Variants in FNIP2 observed in about 807,000 individuals in gnomAD.
FNIP2 encodes the protein folliculin interacting protein 2.
Under a neutral mutation model 108.7 loss-of-function variants are expected in FNIP2, and 32 were observed. The observed-to-expected ratio is 0.29, with a 90% CI of 0.22 to 0.40. The LOEUF is 0.40. FNIP2 is among the 10% of genes least tolerant of loss of function. The probability of loss-of-function intolerance (pLI) is 1.00; values close to 1 mark genes in which losing one functional copy is unlikely to be tolerated. For synonymous variants in FNIP2, 480 were observed against 496.7 expected, an observed-to-expected ratio of 0.97 and a Z score of 0.45; for missense variants, 1,202 against 1,381.6, an observed-to-expected ratio of 0.87 and a Z score of 2.06.
chr4:158,905,994 G>A lies in FNIP2; in HGVS notation c.*1450G>A, dbSNP rs1231412795. ...CCTATTAGGGACTAGAATGACTTCA[G>A]TTTTTTCATTTGATAAAAATCAGAA... On this transcript the variant is annotated 3_prime_UTR_variant, in exon 17 of 17. Transcript: ENST00000264433. The A allele has an allele frequency of 6.6e-6, 1 of 152,128 alleles. No individual in the cohort carries two copies. The highest frequency in any genetic ancestry group is 1.9e-4 in the East Asian group (1 of 5,202). 9.4% of individuals were successfully genotyped at this position (152,128 alleles called of 1,614,324 possible).
intron 14 of FNIP2, among the ~76,000 whole-genome samples, chr4:158,886,370 T>C (rs1000618486): frequency 6.6e-6 from 1 of 152,228 alleles, no homozygotes; most frequent in Non-Finnish European, 1.5e-5. Context: ...TCACCTCCCA[T>C]GTTCTTCTAT....
chr4:158,800,530 T>G (rs1776726700), intron 1 of FNIP2, among the ~76,000 whole-genome samples: 1 of 152,178 alleles, frequency 6.6e-6, no homozygotes, highest in Non-Finnish European at 1.5e-5. Flanking sequence ...TTATTACAGA[T>G]TAAGGAAATC....
chr4:158,839,275 A>G (rs942112874), intron 7 of FNIP2, among the ~76,000 whole-genome samples: 18 of 152,080 alleles, frequency 1.2e-4, no homozygotes, highest in African/African-American at 4.1e-4. Context: ...TCTCCCATTT[A>G]TTTGTTTAGT....
At chr4:158,857,251 C>G (rs1780036927) in intron 8 of FNIP2, among the ~76,000 whole-genome samples, 1 of 152,154 alleles carries the variant, frequency 6.6e-6, no homozygotes, top group African/African-American at 2.4e-5. Flanking sequence ...AGATGACAGA[C>G]AAAGTGGAAA....
chr4:158,774,194 G>A (rs992363057), intron 1 of FNIP2, among the ~76,000 whole-genome samples: 5 of 152,128 alleles, frequency 3.3e-5, no homozygotes, highest in African/African-American at 4.8e-5. Context: ...AAATAGGAGC[G>A]ATTATGCATG....
intron 1 of FNIP2, among the ~76,000 whole-genome samples, chr4:158,785,439 C>T (rs1474674397): frequency 6.6e-6 from 1 of 152,084 alleles, no homozygotes; most frequent in East Asian, 1.9e-4. Flanking sequence ...AAGAACATCT[C>T]CATTATTTCA....
intron 3 of FNIP2, among the ~76,000 whole-genome samples, chr4:158,830,167 C>T (rs1215174258): frequency 6.6e-6 from 1 of 150,868 alleles, no homozygotes; most frequent in Non-Finnish European, 1.5e-5. Flanking sequence ...TGGTTTCTGT[C>T]TGCATATAGT....
chr4:158,826,075 T>A lies in FNIP2; in HGVS notation c.234+33T>A. The A allele has an allele frequency of 1.9e-6, 3 of 1,592,434 alleles. No individual in the cohort carries two copies. The South Asian group carries it at 3.3e-5, about 18-fold the overall frequency. Reference sequence around the variant, plus strand: ...ATGCTGATTTGCTTTCTCCTTTTCTTTTGTGCTTTTAACCACCCTTCTGAT... The same window carrying A: ...ATGCTGATTTGCTTTCTCCTTTTCTATTGTGCTTTTAACCACCCTTCTGAT... On this transcript the variant is annotated intron_variant, in intron 2 of 16. Transcript: ENST00000264433.
In FNIP2 at chr4:158,868,011, A is replaced by G; in HGVS notation, c.1466-91A>G. 6.7e-7 allele frequency: 1 copy of G among 1,500,358 alleles called. No homozygotes were observed. Among genetic ancestry groups the G allele is most frequent in the Non-Finnish European group, 9.0e-7 (1 of 1,108,488 alleles). 92.9% of individuals were successfully genotyped at this position (1,500,358 alleles called of 1,614,324 possible). On this transcript the variant is annotated intron_variant, in intron 12 of 16. Coordinates refer to ENST00000264433, the MANE Select transcript of FNIP2 (RefSeq NM_020840.3). The surrounding 1 kb of genome is among the most constrained non-coding windows in gnomAD (Gnocchi z 4.6). Reference sequence around the variant, plus strand: ...AGCAGGGACTCCAGATTGGGAATATAAGTTATCTGTTTTGCTCTTGTAAAG... The same window carrying G: ...AGCAGGGACTCCAGATTGGGAATATGAGTTATCTGTTTTGCTCTTGTAAAG...
At chr4:158,772,374 A>C (rs1193448984) in intron 1 of FNIP2, among the ~76,000 whole-genome samples, 1 of 152,208 alleles carries the variant, frequency 6.6e-6, no homozygotes, top group African/African-American at 2.4e-5. Context: ...TTGAAGCATT[A>C]TCTTAAGGTT....
intron 12 of FNIP2, among the ~76,000 whole-genome samples, chr4:158,862,430 C>T (rs1780348363): frequency 6.6e-6 from 1 of 152,084 alleles, no homozygotes; most frequent in African/African-American, 2.4e-5. Context: ...AATACAAGCT[C>T]CCTCATGGTT....
intron 16 of FNIP2, among the ~76,000 whole-genome samples, chr4:158,903,806 AT>A (rs898628444): frequency 9.5e-4 from 141 of 149,064 alleles, no homozygotes; most frequent in Middle Eastern, 3.5e-3. Flanking sequence ...AAACAGTTCA[AT>A]TTTTTTTTTT....
At chr4:158,844,132 G>C (rs66633017) in intron 7 of FNIP2, among the ~76,000 whole-genome samples, 44,281 of 152,108 alleles carry the variant, frequency 0.29, 7,180 homozygotes, top group Non-Finnish European at 0.38. Context: ...TTAAATCCTT[G>C]AAGACTTTTG....
intron 12 of FNIP2, among the ~76,000 whole-genome samples, chr4:158,864,821 C>T (rs1780490290): frequency 6.6e-6 from 1 of 152,042 alleles, no homozygotes; most frequent in Non-Finnish European, 1.5e-5. Context: ...CTTCTCCATC[C>T]TCTTTTGGCT....
At chr4:158,832,595 ATAAAT>A (rs1778545623) in intron 5 of FNIP2, among the ~76,000 whole-genome samples, 1 of 152,238 alleles carries the variant, frequency 6.6e-6, no homozygotes, top group Non-Finnish European at 1.5e-5. Context: ...AGCGCTTGTT[ATAAAT>A]TAAAGGACAT....
At position 158,904,713 on chromosome 4, in the gene FNIP2, C is replaced by T. The variant is rs1268402938; in HGVS notation, c.*169C>T. The T allele has an allele frequency of 2.8e-5, 17 of 604,696 alleles. No individual in the cohort carries two copies. Among genetic ancestry groups the T allele is most frequent in the Non-Finnish European group, 4.1e-5 (14 of 342,176 alleles). The allele number at this position is 604,696 out of a possible 1,614,324, so 37.5% of individuals were successfully genotyped here. On this transcript the variant is annotated 3_prime_UTR_variant, in exon 17 of 17. Transcript: ENST00000264433. ...TGTCAAGCTGATGCTTCATTGAAGACTTAGGTTTACTTGACATAATAGCAT... is the reference window on the plus strand; with the variant it reads ...TGTCAAGCTGATGCTTCATTGAAGATTTAGGTTTACTTGACATAATAGCAT...
chr4:158,770,533 TG>T (rs1305090799), intron 1 of FNIP2, among the ~76,000 whole-genome samples: 5 of 152,186 alleles, frequency 3.3e-5, no homozygotes, highest in African/African-American at 1.2e-4. Flanking sequence ...TCTCTCACTG[TG>T]GTCATGTGAA....
chr4:158,881,687 G>A (rs1363016592), intron 14 of FNIP2, among the ~76,000 whole-genome samples: 1 of 152,230 alleles, frequency 6.6e-6, no homozygotes, highest in Non-Finnish European at 1.5e-5. Context: ...TCCTAACCGC[G>A]AGTGATCTGC....
intron 1 of FNIP2, among the ~76,000 whole-genome samples, chr4:158,771,513 G>C (rs1215277196): frequency 6.6e-6 from 1 of 152,204 alleles, no homozygotes; most frequent in Admixed American, 6.5e-5. Flanking sequence ...AGGGGAACAA[G>C]GTGCCTTATT....
Sources: gnomAD v4.1 joint callset for allele counts (sites outside exome capture counted in the v4.1 genomes callset) on GRCh38, gnomAD v4.1.1 for gene constraint, Gnocchi (gnomAD v3.1) non-coding constraint, MANE v1.5 for transcripts, NCBI Gene and HGNC (gene_info 2026-07-23, HGNC 2026-07-21) for gene names.